The following OR51I2 variants were observed in gnomAD, a reference collection of about 807,000 sequenced individuals.
The protein encoded by OR51I2 is olfactory receptor family 51 subfamily I member 2, also known as olfactory receptor 51I2.
A neutral mutation model predicts 9.3 loss-of-function variants in OR51I2; 6 were observed. That is an observed-to-expected ratio of 0.64 (90% CI 0.35 to 1.27). The LOEUF (loss-of-function observed/expected upper bound fraction) is 1.27. OR51I2 is among the 50% of genes most tolerant of loss of function. The probability of loss-of-function intolerance (pLI) is 0.03; values close to 1 mark genes in which losing one functional copy is unlikely to be tolerated. For missense variants in OR51I2, 489 were observed against 396.4 expected, an observed-to-expected ratio of 1.23 and a Z score of -1.98; for synonymous variants, 179 against 143.1, an observed-to-expected ratio of 1.25 and a Z score of -1.79.
At chr11:5,450,114 C>T (rs572624922) in intron 1 of OR51I2, among the ~76,000 whole-genome samples, 2 of 152,104 alleles carry the variant, frequency 1.3e-5, no homozygotes, top group Non-Finnish European at 2.9e-5. Flanking sequence ...ATACACCAGG[C>T]GTGGTGGCTC....
intron 1 of OR51I2, among the ~76,000 whole-genome samples, chr11:5,451,120 T>C (rs1232646877): frequency 9.9e-5 from 15 of 152,242 alleles, no homozygotes; most frequent in Non-Finnish European, 1.9e-4. Flanking sequence ...ATGCGTTCAA[T>C]AAGTATTCAT....
At position 5,454,546 on chromosome 11, in the gene OR51I2, A is replaced by T; in HGVS notation, c.*119A>T. 1.3e-6 allele frequency: 1 copy of T among 792,638 alleles called. No individual in the cohort carries two copies. The highest frequency in any genetic ancestry group is 2.0e-6 in the Non-Finnish European group (1 of 496,508). The allele number at this position is 792,638 out of a possible 1,614,324, so 49.1% of individuals were successfully genotyped here. ...TGCTGCGGGAAAAGTAGGCCAGGAG[A>T]TGGTGATGCAAAACTTATAACACAA... On this transcript the variant is annotated 3_prime_UTR_variant, in exon 2 of 2. Transcript: ENST00000641930.
chr11:5,454,443 T>C lies in OR51I2; in HGVS notation c.*16T>C, dbSNP rs767898532. On this transcript the variant is annotated 3_prime_UTR_variant, in exon 2 of 2. Coordinates refer to ENST00000641930, the MANE Select transcript of OR51I2 (RefSeq NM_001004754.3). The stretch of plus-strand genomic sequence containing the variant: ...CAAAATATGACTTTCACACTTGGCT[T>C]TAGAATCTGTTATTTTGGCCATAGG... 6.3e-7 allele frequency: 1 copy of C among 1,581,748 alleles called. No homozygotes were observed. The highest frequency in any genetic ancestry group is 1.7e-5 in the Admixed American group (1 of 58,932).
chr11:5,454,328 C>A lies in OR51I2; in HGVS notation c.840C>A (p.Tyr280Ter), dbSNP rs779650020. 1.2e-6 allele frequency: 2 copies of A among 1,613,996 alleles called. No individual in the cohort carries two copies. The highest frequency in any genetic ancestry group is 2.7e-5 in the African/African-American group (2 of 74,918). ...CYIHVLMSNV[Y>*]LFVPPVLNPL... The stretch of plus-strand genomic sequence containing the variant: ...TACATGTCCTCATGTCAAATGTGTA[C>A]CTATTTGTGCCTCCTGTGCTCAACC... The change falls in exon 2 of 2, where the codon TAC becomes TAA. Residue 280 changes from tyrosine to a stop codon, truncating the protein, a stop_gained. Transcript: ENST00000641930. LOFTEE classifies it high-confidence loss of function.
intron 1 of OR51I2, among the ~76,000 whole-genome samples, chr11:5,450,842 A>G (rs559391747): frequency 1.9e-4 from 29 of 152,094 alleles, no homozygotes; most frequent in Non-Finnish European, 4.0e-4. Flanking sequence ...TTCCTGTGTT[A>G]ATTTGCTGAG....
Position 5,453,639 on chromosome 11 carries a change from G to T in OR51I2, c.151G>T (p.Val51Leu). 6.2e-7 allele frequency: 1 copy of T among 1,613,712 alleles called. No individual in the cohort carries two copies. Among genetic ancestry groups the T allele is most frequent in the Non-Finnish European group, 8.5e-7 (1 of 1,179,866 alleles). The change falls in exon 2 of 2, where the codon GTG (valine) becomes TTG (leucine). Residue 51 changes from valine (V) to leucine (L), a missense_variant. Transcript: ENST00000641930. ...GNTVILQAVR[V>L]EPSLHEPMYY... The stretch of plus-strand genomic sequence containing the variant: ...TACAGTGATCCTGCAGGCTGTGCGA[G>T]TGGAGCCCAGCCTCCATGAGCCCAT...
rs1449675042 is a variant in OR51I2 at position 5,455,559 on chromosome 11, AG to A, written c.*1138del. On this transcript the variant is annotated 3_prime_UTR_variant, in exon 2 of 2. Coordinates refer to ENST00000641930, the MANE Select transcript of OR51I2 (RefSeq NM_001004754.3). ...AGAGCGAGGGATTGGGGGAGAAAGA[AG>A]GGGGGAGAGAGAGAGAGAAAGAGAA... 3 of 112,582 alleles carry A rather than the reference AG, an allele frequency of 2.7e-5. No homozygotes were observed. The highest frequency in any genetic ancestry group is 3.7e-5 in the African/African-American group (1 of 26,958). The allele number at this position is 112,582 out of a possible 1,614,324, so 7.0% of individuals were successfully genotyped here.
rs561396934 is a variant in OR51I2, at chr11:5,449,739, G to C, written c.-231+375G>C. On this transcript the variant is annotated intron_variant, in intron 1 of 1. Coordinates refer to ENST00000641930, the MANE Select transcript of OR51I2 (RefSeq NM_001004754.3). ...CGGTTCGGGAATCTAGAAGGGAAGT[G>C]GTCACAACCTATCCCATGACAAACA... Among the ~76,000 whole-genome samples, 9 of 152,086 alleles carry C rather than the reference G, an allele frequency of 5.9e-5. No individual in the cohort carries two copies. In the East Asian group the frequency reaches 1.3e-3, roughly 23 times the overall value.
Position 5,455,374 on chromosome 11 carries a change from T to C in OR51I2, c.*947T>C, listed in dbSNP as rs1045746717. The C allele has an allele frequency of 6.8e-6, 1 of 148,098 alleles. No homozygotes were observed. The highest frequency in any genetic ancestry group is 2.5e-5 in the African/African-American group (1 of 40,598). The allele number at this position is 148,098 out of a possible 1,614,324, so 9.2% of individuals were successfully genotyped here. A position where few individuals can be genotyped will look rare whatever the true frequency, so the allele number is the denominator to read the frequency against. On this transcript the variant is annotated 3_prime_UTR_variant, in exon 2 of 2. Transcript: ENST00000641930. ...AGTTGCAAAAAAAAAAAGCCTAGGATAGACAGACTAGAGCACTTATGGTTT... is the reference window on the plus strand; with the variant it reads ...AGTTGCAAAAAAAAAAAGCCTAGGACAGACAGACTAGAGCACTTATGGTTT...
At position 5,454,404 on chromosome 11, in the gene OR51I2, A is replaced by G. The variant is rs2133788324; in HGVS notation, c.916A>G (p.Met306Val). ...TKEIRRAIFR[M>V]FHHIKI ...GGAAATCCGCCGAGCCATTTTCCGC[A>G]TGTTTCACCACATCAAAATATGACT... The change falls in exon 2 of 2, where the codon ATG becomes GTG. Residue 306 changes from methionine (M) to valine (V), a missense_variant. By Grantham distance (21) the Met-to-Val change is conservative. Transcript: ENST00000641930. 5.0e-6 allele frequency: 8 copies of G among 1,605,988 alleles called. No homozygotes were observed. The highest frequency in any genetic ancestry group is 1.4e-5 in the African/African-American group (1 of 72,828).
Position 5,454,490 on chromosome 11 carries a change from T to C in OR51I2, c.*63T>C. The C allele has an allele frequency of 7.9e-7, 1 of 1,265,242 alleles. No individual in the cohort carries two copies. The highest frequency in any genetic ancestry group is 1.4e-5 in the South Asian group (1 of 73,492). The allele number at this position is 1,265,242 out of a possible 1,614,324, so 78.4% of individuals were successfully genotyped here. On this transcript the variant is annotated 3_prime_UTR_variant, in exon 2 of 2. Transcript: ENST00000641930. The stretch of plus-strand genomic sequence containing the variant: ...TAGGCTCTCATCAGTAGCATCGTCA[T>C]CATCATCATCAAAGTATAAGATAGA...
chr11:5,454,554 GCA>G lies in OR51I2; in HGVS notation c.*128_*129del. ...GAAAAGTAGGCCAGGAGATGGTGATGCAAAACTTATAACACAAAACAAGGAGT... is the reference window on the plus strand; with the variant it reads ...GAAAAGTAGGCCAGGAGATGGTGATGAAACTTATAACACAAAACAAGGAGT... On this transcript the variant is annotated 3_prime_UTR_variant, in exon 2 of 2. Transcript: ENST00000641930. 1.4e-6 allele frequency: 1 copy of G among 730,982 alleles called. No homozygotes were observed. The highest frequency in any genetic ancestry group is 2.2e-6 in the Non-Finnish European group (1 of 444,914). The allele number at this position is 730,982 out of a possible 1,614,324, so 45.3% of individuals were successfully genotyped here.
chr11:5,453,103 TTCTTC>T (rs1309389063), intron 1 of OR51I2, among the ~76,000 whole-genome samples, 151 bp from the exon 2 acceptor site: 3 of 152,266 alleles, frequency 2.0e-5, no homozygotes, highest in Non-Finnish European at 4.4e-5. Context: ...ACTCCTGACT[TTCTTC>T]TCTTGTGGCT....
Position 5,455,642 on chromosome 11 carries a change from T to C in OR51I2, c.*1215T>C, listed in dbSNP as rs1169856199. 1 of 147,810 alleles carries C rather than the reference T, an allele frequency of 6.8e-6. No homozygotes were observed. 9.2% of individuals were successfully genotyped at this position (147,810 alleles called of 1,614,324 possible). A position where few individuals can be genotyped will look rare whatever the true frequency, so the allele number is the denominator to read the frequency against. On this transcript the variant is annotated 3_prime_UTR_variant, in exon 2 of 2. Coordinates refer to ENST00000641930, the MANE Select transcript of OR51I2 (RefSeq NM_001004754.3). Reference sequence around the variant, plus strand: ...GAGAAAGAGAGAGAGAGAGATGCACTAGGTAGTCTAACTTAACTCACCATG... The same window carrying C: ...GAGAAAGAGAGAGAGAGAGATGCACCAGGTAGTCTAACTTAACTCACCATG...
In OR51I2 at chr11:5,453,845, T is replaced by A. The variant is rs1185663766; in HGVS notation, c.357T>A (p.Ser119Arg). 1 of 1,614,176 alleles carries A rather than the reference T, an allele frequency of 6.2e-7. No individual in the cohort carries two copies. The highest frequency in any genetic ancestry group is 1.1e-5 in the South Asian group (1 of 91,088). Residue 119 changes from serine (S) to arginine (R), a missense_variant, in exon 2 of 2, where the codon AGT becomes AGA. Ser to Arg is a moderately radical substitution (Grantham distance 110, BLOSUM62 -1). Transcript: ENST00000641930. Reference protein sequence around the residue: ...MMESGILLAMSFDRYVAICDP... With the variant: ...MMESGILLAMRFDRYVAICDP... Reference sequence around the variant, plus strand: ...AATCAGGTATTCTGCTGGCCATGAGTTTTGACCGCTATGTGGCCATTTGTG... The same window carrying A: ...AATCAGGTATTCTGCTGGCCATGAGATTTGACCGCTATGTGGCCATTTGTG...
At chr11:5,453,068 T>C (rs1383391519) in intron 1 of OR51I2, among the ~76,000 whole-genome samples, 191 bp from the exon 2 acceptor site, 1 of 152,206 alleles carries the variant, frequency 6.6e-6, no homozygotes, top group Non-Finnish European at 1.5e-5. Flanking sequence ...TATTTAAATA[T>C]TTCCAAGTGC....
Position 5,454,414 on chromosome 11 carries a change from A to G in OR51I2, c.926A>G (p.His309Arg), listed in dbSNP as rs771009920. Residue 309 changes from histidine (H) to arginine (R), a missense_variant, in exon 2 of 2, where the codon CAC becomes CGC. By Grantham distance (29) the His-to-Arg change is conservative. Coordinates refer to ENST00000641930, the MANE Select transcript of OR51I2 (RefSeq NM_001004754.3). ...CGAGCCATTTTCCGCATGTTTCACCACATCAAAATATGACTTTCACACTTG... is the reference window on the plus strand; with the variant it reads ...CGAGCCATTTTCCGCATGTTTCACCGCATCAAAATATGACTTTCACACTTG... ...IRRAIFRMFH[H>R]IKI The G allele has an allele frequency of 2.5e-6, 4 of 1,605,312 alleles. No individual in the cohort carries two copies. The Admixed American group carries it at 5.0e-5, about 20-fold the overall frequency.
At chr11:5,451,113 C>G (rs12278135) in intron 1 of OR51I2, among the ~76,000 whole-genome samples, 2 of 152,038 alleles carry the variant, frequency 1.3e-5, no homozygotes, top group South Asian at 4.1e-4. Context: ...ATATCACATG[C>G]GTTCAATAAG....
In OR51I2 at chr11:5,454,000, C is replaced by T; in HGVS notation, c.512C>T (p.Ser171Phe). 1 of 1,613,992 alleles carries T rather than the reference C, an allele frequency of 6.2e-7. No individual in the cohort carries two copies. The highest frequency in any genetic ancestry group is 8.5e-7 in the Non-Finnish European group (1 of 1,180,022). ...ATTAAGAGGCTGCCTATCTGCAGAT[C>T]CAATGTTCTTTCTCACTCCTACTGC... ...FLIKRLPICR[S>F]NVLSHSYCLH... The change falls in exon 2 of 2, where the codon TCC (serine) becomes TTC (phenylalanine). Residue 171 changes from serine (S) to phenylalanine (F), a missense_variant. Transcript: ENST00000641930.
Sources: allele counts gnomAD v4.1 joint callset (sites outside exome capture counted in the v4.1 genomes callset), GRCh38; gene constraint gnomAD v4.1.1; transcripts MANE v1.5; gene names NCBI Gene and HGNC (gene_info 2026-07-23, HGNC 2026-07-21).